Variants in TPGS2 observed in about 807,000 individuals in gnomAD.
The protein encoded by TPGS2 is tubulin polyglutamylase complex subunit 2.
TPGS2 carries 26 observed loss-of-function variants against 31.1 expected under a neutral mutation model. That is an observed-to-expected ratio of 0.84 (90% confidence interval 0.61 to 1.16). The LOEUF (loss-of-function observed/expected upper bound fraction) is 1.16, where lower values mean the gene tolerates loss of function less well. TPGS2 is among the 50% of genes most tolerant of loss of function. The pLI is 0.00. For synonymous variants in TPGS2, 130 were observed against 136.6 expected (o/e 0.95, Z 0.34); for missense variants, 351 against 363.8 (o/e 0.96, Z 0.29).
At chr18:36,813,238 C>T (rs139257620) in intron 2 of TPGS2, among the ~76,000 whole-genome samples, 97 of 152,116 alleles carry the variant, frequency 6.4e-4, no homozygotes, top group African/African-American at 2.2e-3. Flanking sequence ...GAAGAGTCTG[C>T]GAGGAAGGAA....
intron 6 of TPGS2, among the ~76,000 whole-genome samples, chr18:36,784,934 C>G (rs1468248881): frequency 6.6e-6 from 1 of 152,122 alleles, no homozygotes; most frequent in Non-Finnish European, 1.5e-5. Context: ...TGGGAGCCAG[C>G]CAGTCCTACC....
At position 36,796,843 on chromosome 18, in the gene TPGS2, TAGAAGTGGA is replaced by T; in HGVS notation, c.856_864del (p.Ser286_Ser288del). On this transcript the variant is annotated inframe_deletion, in exon 7 of 7. Transcript: ENST00000334295. ...GGGTTTCCAGAGCCAGAGGAGGATT[TAGAAGTGGA>T]GGAAGTGGAGGGACCGGAGGGTCCT... is the stretch of plus-strand genomic sequence containing the variant. 1 of 1,606,510 alleles carries T rather than the reference TAGAAGTGGA, an allele frequency of 6.2e-7. No homozygotes were observed. The highest frequency in any genetic ancestry group is 1.7e-4 in the Middle Eastern group (1 of 5,956).
At chr18:36,812,963 AAC>A (rs2045496643) in intron 2 of TPGS2, among the ~76,000 whole-genome samples, 1 of 152,330 alleles carries the variant, frequency 6.6e-6, no homozygotes, top group African/African-American at 2.4e-5. Flanking sequence ...GGAGAGGAAA[AAC>A]AGTGTGTGTT....
At chr18:36,809,072 T>C (rs2045300426) in intron 2 of TPGS2, among the ~76,000 whole-genome samples, 1 of 152,188 alleles carries the variant, frequency 6.6e-6, no homozygotes, top group Admixed American at 6.5e-5. Context: ...CATTAGGTCA[T>C]CCTGTCAGTC....
downstream of TPGS2, chr18:36,789,819 C>T (rs1232803743): frequency 6.6e-6 from 1 of 152,242 alleles, no homozygotes; most frequent in Non-Finnish European, 1.5e-5. Context: ...AAGGGGGTTT[C>T]CCCTTTCACC....
intron 4 of TPGS2, among the ~76,000 whole-genome samples, chr18:36,804,231 T>C (rs2044992399): frequency 6.6e-6 from 1 of 152,230 alleles, no homozygotes; most frequent in Non-Finnish European, 1.5e-5. Context: ...TTAGGTATAC[T>C]TGTTGTACTA....
At chr18:36,797,289 T>A (rs1468835008) in intron 6 of TPGS2, among the ~76,000 whole-genome samples, 1 of 152,136 alleles carries the variant, frequency 6.6e-6, no homozygotes, top group South Asian at 2.1e-4. Flanking sequence ...AAATGCAGTA[T>A]GAAAACTAAG....
downstream of TPGS2, among the ~76,000 whole-genome samples, chr18:36,790,372 T>C (rs527544170): frequency 6.6e-6 from 1 of 152,358 alleles, no homozygotes; most frequent in African/African-American, 2.4e-5. Flanking sequence ...TGTGAGATTA[T>C]GTAGTTGGTT....
chr18:36,800,576 G>T (rs988239924), intron 4 of TPGS2, among the ~76,000 whole-genome samples: 1 of 152,224 alleles, frequency 6.6e-6, no homozygotes, highest in African/African-American at 2.4e-5. Context: ...AAACTTCTTG[G>T]AAGTGGGACC....
chr18:36,811,530 T>C (rs17652345), intron 2 of TPGS2, among the ~76,000 whole-genome samples: 18,441 of 152,218 alleles, frequency 0.12, 1,387 homozygotes, highest in Admixed American at 0.17. Context: ...AGAGCTCATA[T>C]GAGGCAACCT....
At position 36,795,319 on chromosome 18, in the gene TPGS2, TGGCCAATCACCG is replaced by T. The variant is rs2044477787; in HGVS notation, c.*1474_*1485del. The T allele has an allele frequency of 1.0e-6, 1 of 985,464 alleles. No individual in the cohort carries two copies. Among genetic ancestry groups the T allele is most frequent in the Admixed American group, 6.1e-5 (1 of 16,270 alleles). The allele number at this position is 985,464 out of a possible 1,614,324, so 61.0% of individuals were successfully genotyped here. A position where few individuals can be genotyped will look rare whatever the true frequency, so the allele number is the denominator to read the frequency against. On this transcript the variant is annotated 3_prime_UTR_variant, in exon 7 of 7. Transcript: ENST00000334295. ...GTAGACAGTGCAAAGGAAGGAAGTC[TGGCCAATCACCG>T]GGGTAGAGAGAAGTCAGGAAAGAGA...
chr18:36,810,159 GC>G (rs373537878), intron 2 of TPGS2, among the ~76,000 whole-genome samples: 33 of 152,188 alleles, frequency 2.2e-4, no homozygotes, highest in Non-Finnish European at 4.9e-4. Context: ...AGACCCTTCT[GC>G]CCCAAGCACC....
chr18:36,784,727 GAAAC>G (rs1484999270), intron 6 of TPGS2, among the ~76,000 whole-genome samples: 5 of 152,146 alleles, frequency 3.3e-5, no homozygotes, highest in African/African-American at 9.7e-5. Flanking sequence ...TTCATATAAA[GAAAC>G]TGAGGATGAG....
At chr18:36,792,881 A>T (rs938772509), downstream of TPGS2, among the ~76,000 whole-genome samples, 1 of 152,236 alleles carries the variant, frequency 6.6e-6, no homozygotes, top group African/African-American at 2.4e-5. Flanking sequence ...GCATTCTGCC[A>T]TTTATTCTCA....
intron 5 of TPGS2, among the ~76,000 whole-genome samples, chr18:36,799,893 T>C (rs2044720138): frequency 6.6e-6 from 1 of 152,248 alleles, no homozygotes; most frequent in African/African-American, 2.4e-5. Flanking sequence ...GCTTATCTAG[T>C]ACATGAACTT....
At chr18:36,787,980 T>C (rs2044181542) in intron 6 of TPGS2, among the ~76,000 whole-genome samples, 1 of 152,246 alleles carries the variant, frequency 6.6e-6, no homozygotes, top group African/African-American at 2.4e-5. Context: ...TAAACCTATC[T>C]ATCTATCTAT....
At chr18:36,812,180 C>T (rs142658141) in intron 2 of TPGS2, among the ~76,000 whole-genome samples, 154 of 152,256 alleles carry the variant, frequency 1.0e-3, no homozygotes, top group African/African-American at 3.5e-3. Flanking sequence ...TGGTCTCTGT[C>T]CCAGATTCCT....
chr18:36,825,540 T>G lies in TPGS2; in HGVS notation c.85+3143A>C, dbSNP rs535893327. On this transcript the variant is annotated intron_variant, in intron 1 of 6. Coordinates refer to ENST00000334295, the MANE Select transcript of TPGS2 (RefSeq NM_015476.4). Reference sequence around the variant, plus strand: ...ATTTCTAGTTTTATGCCACTACCACTCTGAAGACAACTGTGGCTTTAAATT... The same window carrying G: ...ATTTCTAGTTTTATGCCACTACCACGCTGAAGACAACTGTGGCTTTAAATT... Among the ~76,000 whole-genome samples, 32 of 152,178 alleles carry G rather than the reference T, an allele frequency of 2.1e-4. No homozygotes were observed. In the South Asian group the frequency reaches 5.4e-3, roughly 26 times the overall value.
At chr18:36,786,662 T>C in intron 6 of TPGS2, 2 of 437,198 alleles carry the variant, frequency 4.6e-6, no homozygotes, top group Non-Finnish European at 7.6e-6. Context: ...TCAATGCTGA[T>C]CAGTTGTTGT....
Sources: gnomAD v4.1 joint callset for allele counts (sites outside exome capture counted in the v4.1 genomes callset) on GRCh38, gnomAD v4.1.1 for gene constraint, MANE v1.5 for transcripts, NCBI Gene and HGNC (gene_info 2026-07-23, HGNC 2026-07-21) for gene names.